Variants in NAV3 observed in about 807,000 individuals in gnomAD.
NAV3 encodes the protein neuron navigator 3, also known as pore membrane and/or filament interacting like protein 1.
NAV3 carries 87 observed loss-of-function variants against 244.7 expected under a neutral mutation model. The ratio of observed to expected loss-of-function variants is 0.36; its 90% CI spans 0.30 to 0.42. The LOEUF is 0.42. Among genes scored for constraint, NAV3 ranks in the 20% least tolerant of loss-of-function variants. The pLI, the probability that NAV3 is intolerant of heterozygous loss-of-function variation, is 1.00. For synonymous variants in NAV3, 1,126 were observed against 1,042.2 expected, an observed-to-expected ratio of 1.08 and a Z score of -1.55; for missense variants, 2,663 against 2,893.3, an observed-to-expected ratio of 0.92 and a Z score of 1.83.
intron 5 of NAV3, among the ~76,000 whole-genome samples, chr12:77,979,782 G>A (rs542757761): frequency 1.3e-5 from 2 of 150,300 alleles, no homozygotes; most frequent in Non-Finnish European, 1.5e-5. Context: ...CATCAGAGAT[G>A]TTTTGTGACC....
rs953254260 is a variant in NAV3, at chr12:77,838,724, C to T, written c.243+7020C>T. On this transcript the variant is annotated intron_variant, in intron 1 of 39. Transcript: ENST00000397909. ...ATGCTATCAAATCACCAACAATTAT[C>T]CATATCCAATTTTGAACTTGAAAGA... Among the ~76,000 whole-genome samples the T allele has an allele frequency of 1.6e-4, 24 of 152,216 alleles. 1 individual carries two copies. Among genetic ancestry groups the T allele is most frequent in the Middle Eastern group, 6.8e-3 (2 of 292 alleles).
chr12:77,779,688 G>A (rs1339967973), intron 2 of NAV3, among the ~76,000 whole-genome samples: 1 of 152,130 alleles, frequency 6.6e-6, no homozygotes, highest in African/African-American at 2.4e-5. Context: ...GACACCTTGG[G>A]CCAGCTTGGT....
chr12:77,795,890 T>C (rs1193067623), intron 2 of NAV3, among the ~76,000 whole-genome samples: 1 of 152,176 alleles, frequency 6.6e-6, no homozygotes, highest in Admixed American at 6.5e-5. Flanking sequence ...AAGCCTACTT[T>C]GGGGACCTAC....
intron 2 of NAV3, among the ~76,000 whole-genome samples, chr12:77,802,122 C>T (rs1871741683): frequency 1.3e-5 from 2 of 152,172 alleles, no homozygotes; most frequent in African/African-American, 2.4e-5. Context: ...CTAGAAGGAG[C>T]CTTTGGCCTA....
chr12:77,644,297 A>C (rs990192362), intron 2 of NAV3, among the ~76,000 whole-genome samples: 1 of 152,182 alleles, frequency 6.6e-6, no homozygotes, highest in African/African-American at 2.4e-5. Context: ...TGTGGTATCT[A>C]AGGTGGCAAG....
chr12:77,697,962 A>G (rs562946048), intron 2 of NAV3, among the ~76,000 whole-genome samples: 2 of 152,184 alleles, frequency 1.3e-5, no homozygotes, highest in Non-Finnish European at 2.9e-5. Context: ...TGTAAAAGTC[A>G]CAGCATTATG....
chr12:78,150,631 T>A (rs2694675), intron 22 of NAV3, among the ~76,000 whole-genome samples: 47,068 of 144,272 alleles, frequency 0.33, 7,878 homozygotes, highest in Middle Eastern at 0.36. Context: ...AAAAGCTTCC[T>A]CACACACACA....
At chr12:77,873,032 T>C (rs1415156837) in intron 1 of NAV3, among the ~76,000 whole-genome samples, 1 of 150,630 alleles carries the variant, frequency 6.6e-6, no homozygotes, top group African/African-American at 2.5e-5. Flanking sequence ...TCATGATAGT[T>C]AGTAAGTCTC....
chr12:77,581,588 T>C (rs534592068), intron 2 of NAV3, among the ~76,000 whole-genome samples: 1 of 152,340 alleles, frequency 6.6e-6, no homozygotes, highest in Admixed American at 6.5e-5. Context: ...CTCCAGTATA[T>C]TCAGACATTT....
chr12:78,206,218 T>C (rs968375074), intron 39 of NAV3, among the ~76,000 whole-genome samples: 1 of 152,178 alleles, frequency 6.6e-6, no homozygotes, highest in Admixed American at 6.5e-5. Context: ...ATTTCTGATC[T>C]AGGCGATATC....
At chr12:77,795,597 A>T (rs1471027181) in intron 2 of NAV3, among the ~76,000 whole-genome samples, 1 of 152,172 alleles carries the variant, frequency 6.6e-6, no homozygotes, top group African/African-American at 2.4e-5. Flanking sequence ...TATACTGCAT[A>T]TAAGTACATT....
chr12:77,810,451 G>A (rs1381132805), intron 2 of NAV3, among the ~76,000 whole-genome samples: 3 of 152,136 alleles, frequency 2.0e-5, no homozygotes, highest in African/African-American at 4.8e-5. Flanking sequence ...GATTACAGTC[G>A]TGAGCCACAG....
chr12:77,818,729 G>A (rs577508445), intron 2 of NAV3, among the ~76,000 whole-genome samples: 1 of 152,108 alleles, frequency 6.6e-6, no homozygotes, highest in East Asian at 1.9e-4. Flanking sequence ...ACAAATTACC[G>A]CTCATCGTTC....
intron 39 of NAV3, among the ~76,000 whole-genome samples, chr12:78,206,415 T>G (rs1281871703): frequency 6.6e-6 from 1 of 152,166 alleles, no homozygotes; most frequent in Non-Finnish European, 1.5e-5. Context: ...GTATGGATTA[T>G]TTAATCTGAA....
chr12:78,094,072 T>C (rs918936079), intron 12 of NAV3, among the ~76,000 whole-genome samples: 1 of 152,210 alleles, frequency 6.6e-6, no homozygotes, highest in Non-Finnish European at 1.5e-5. Flanking sequence ...ACTTCTGGCC[T>C]CAAGCAATCG....
intron 2 of NAV3, among the ~76,000 whole-genome samples, chr12:77,823,919 G>C (rs1872851814): frequency 6.6e-6 from 1 of 152,138 alleles, no homozygotes; most frequent in Non-Finnish European, 1.5e-5. Context: ...ATGGAAGAAA[G>C]AAAAGACACC....
intron 8 of NAV3, among the ~76,000 whole-genome samples, chr12:78,012,411 C>T (rs182804300): frequency 1.1e-4 from 17 of 152,066 alleles, no homozygotes; most frequent in African/African-American, 3.1e-4. Flanking sequence ...ATTAATGAAG[C>T]CATCTATTAG....
chr12:77,617,094 A>C (rs995719126), intron 2 of NAV3, among the ~76,000 whole-genome samples: 3 of 152,106 alleles, frequency 2.0e-5, no homozygotes, highest in Non-Finnish European at 2.9e-5. Flanking sequence ...TTTCTCATTG[A>C]GTTTCACATG....
chr12:77,620,996 A>C (rs1306020498), intron 2 of NAV3, among the ~76,000 whole-genome samples: 2 of 152,242 alleles, frequency 1.3e-5, no homozygotes, highest in African/African-American at 4.8e-5. Context: ...GTGTTAAAGA[A>C]GTTGGACAAA....
Sources: gnomAD v4.1 joint callset for allele counts (sites outside exome capture counted in the v4.1 genomes callset) on GRCh38, gnomAD v4.1.1 for gene constraint, MANE v1.5 for transcripts, NCBI Gene and HGNC (gene_info 2026-07-23, HGNC 2026-07-21) for gene names.